OMA1: variants seen among roughly 807,000 people sequenced by gnomAD.
OMA1 encodes metalloendopeptidase OMA1, mitochondrial.
In OMA1, 38 loss-of-function variants were observed where a neutral mutation model predicts 30.9. That is an observed-to-expected ratio of 1.23 (90% CI 0.95 to 1.61). OMA1 has a LOEUF of 1.61. OMA1 is among the 40% of genes most tolerant of loss of function. The pLI, the probability that OMA1 is intolerant of heterozygous loss-of-function variation, is 0.00. For missense variants in OMA1, 461 were observed against 349.2 expected (o/e 1.32, Z -2.55); for synonymous variants, 173 against 121.9 (o/e 1.42, Z -2.76).
intron 2 of OMA1, among the ~76,000 whole-genome samples, chr1:58,537,998 C>T (rs566002810): frequency 6.6e-6 from 1 of 152,262 alleles, no homozygotes; most frequent in East Asian, 1.9e-4. Flanking sequence ...ATAGTCAATA[C>T]AGCTGTATCG....
At chr1:58,519,980 T>C (rs1364317772) in intron 7 of OMA1, among the ~76,000 whole-genome samples, 2 of 152,154 alleles carry the variant, frequency 1.3e-5, no homozygotes, top group Admixed American at 6.5e-5. Flanking sequence ...TTCTGATACA[T>C]GGACAGTCAG....
rs1391405729 is a variant in OMA1 at position 58,530,651 on chromosome 1, G to A, written c.1090C>T (p.Arg364Ter). 10 of 872,620 alleles carry A rather than the reference G, an allele frequency of 1.1e-5. No homozygotes were observed. The highest frequency in any genetic ancestry group is 2.4e-5 in the East Asian group (1 of 41,662). 54.1% of individuals were successfully genotyped at this position (872,620 alleles called of 1,614,324 possible). Residue 364 changes from arginine (R) to a stop codon, truncating the protein, a stop_gained, in exon 6 of 9, where the codon CGA becomes TGA. Coordinates refer to ENST00000371226, the MANE Select transcript of OMA1 (RefSeq NM_145243.5). LOFTEE classifies it high-confidence loss of function. The part of the protein sequence containing the change: ...FLTMIWAICP[R>*]DSLALLCQWI... ...TGGCACAAAAGTGCCAAGCTATCTCGAGGACAAATGGCCCAAATCATTGTG... is the reference window on the plus strand; with the variant it reads ...TGGCACAAAAGTGCCAAGCTATCTCAAGGACAAATGGCCCAAATCATTGTG...
At position 58,539,220 on chromosome 1, in the gene OMA1, C is replaced by G. The variant is rs894909535; in HGVS notation, c.75G>C (p.Trp25Cys). ...VFFRFNSLSN[W>C]RKCNTLASTS... Reference sequence around the variant, plus strand: ...TGGATGCTAATGTGTTACATTTTCTCCAGTTAGACAGTGAATTAAATCGGA... The same window carrying G: ...TGGATGCTAATGTGTTACATTTTCTGCAGTTAGACAGTGAATTAAATCGGA... The change falls in exon 2 of 9, where the codon TGG (tryptophan) becomes TGC (cysteine). Residue 25 changes from tryptophan (W) to cysteine (C), a missense_variant. Coordinates refer to ENST00000371226, the MANE Select transcript of OMA1 (RefSeq NM_145243.5). 11 of 872,438 alleles carry G rather than the reference C, an allele frequency of 1.3e-5. No individual in the cohort carries two copies. The Admixed American group carries it at 1.4e-4, about 11-fold the overall frequency. 54.0% of individuals were successfully genotyped at this position (872,438 alleles called of 1,614,324 possible). A position where few individuals can be genotyped will look rare whatever the true frequency, so the allele number is the denominator to read the frequency against.
At chr1:58,533,869 G>GA in intron 5 of OMA1, 84 bp downstream of exon 5, 4 of 782,024 alleles carry the variant, frequency 5.1e-6, no homozygotes, top group South Asian at 1.4e-5. Context: ...TAAAAAACCT[G>GA]AAAAAAATCA....
chr1:58,534,999 A>G (rs1216477338), intron 3 of OMA1, among the ~76,000 whole-genome samples: 2 of 152,192 alleles, frequency 1.3e-5, no homozygotes, highest in Non-Finnish European at 2.9e-5. Flanking sequence ...GTAAAATACA[A>G]AAGAAAATTA....
chr1:58,485,169 T>C (rs1453862679), intron 8 of OMA1, among the ~76,000 whole-genome samples: 1 of 132,202 alleles, frequency 7.6e-6, no homozygotes, highest in African/African-American at 2.9e-5. Context: ...GAAATCTCTA[T>C]ACCTTCTACT....
intron 1 of OMA1, among the ~76,000 whole-genome samples, chr1:58,541,293 CAAAAAAAAAAAAAAAA>C (rs71043292): frequency 6.3e-3 from 174 of 27,542 alleles, no homozygotes; most frequent in Admixed American, 0.011. Context: ...GACTCTGTCT[CAAAAAAAAAAAAAAAA>C]AAAAAAAAAA....
intron 8 of OMA1, among the ~76,000 whole-genome samples, chr1:58,485,730 T>G (rs2100359291): frequency 6.6e-6 from 1 of 152,304 alleles, no homozygotes; most frequent in East Asian, 1.9e-4. Flanking sequence ...AAAATTTTCC[T>G]ACCATATAGC....
chr1:58,498,218 A>G (rs1645837218), intron 8 of OMA1, among the ~76,000 whole-genome samples: 3 of 152,020 alleles, frequency 2.0e-5, no homozygotes, highest in African/African-American at 7.2e-5. Flanking sequence ...TTAAACATTT[A>G]TAATAATGGT....
At chr1:58,512,503 T>C (rs1423688238) in intron 7 of OMA1, among the ~76,000 whole-genome samples, 3 of 152,300 alleles carry the variant, frequency 2.0e-5, no homozygotes, top group East Asian at 1.9e-4. Context: ...AACCTGAATG[T>C]TCATCAGCGA....
At chr1:58,503,849 T>C (rs988784410) in intron 8 of OMA1, among the ~76,000 whole-genome samples, 3 of 152,162 alleles carry the variant, frequency 2.0e-5, no homozygotes, top group Non-Finnish European at 2.9e-5. Flanking sequence ...CTGAACAAAC[T>C]AAAATAGGTG....
intron 7 of OMA1, among the ~76,000 whole-genome samples, chr1:58,519,303 G>A (rs1557450776): frequency 6.6e-6 from 1 of 152,132 alleles, no homozygotes; most frequent in Non-Finnish European, 1.5e-5. Flanking sequence ...TTTTGATAGA[G>A]GCATGAAATG....
At chr1:58,501,283 T>C (rs1361586072) in intron 8 of OMA1, among the ~76,000 whole-genome samples, 2 of 152,340 alleles carry the variant, frequency 1.3e-5, no homozygotes, top group South Asian at 4.1e-4. Context: ...TGGGTTATCT[T>C]GACTTAAAGC....
chr1:58,506,337 G>T, intron 7 of OMA1, 128 bp from the exon 8 acceptor site: 1 of 579,894 alleles, frequency 1.7e-6, no homozygotes, highest in Non-Finnish European at 3.0e-6. Flanking sequence ...TGCACAACGT[G>T]CAGGTTTGTT....
intron 7 of OMA1, among the ~76,000 whole-genome samples, chr1:58,509,487 C>T (rs1005218611): frequency 6.9e-6 from 1 of 144,832 alleles, no homozygotes; most frequent in African/African-American, 2.5e-5. Flanking sequence ...TGATGGGATA[C>T]AGCAAAGGCA....
intron 7 of OMA1, among the ~76,000 whole-genome samples, chr1:58,526,882 G>A (rs923551925): frequency 2.6e-5 from 4 of 152,092 alleles, no homozygotes; most frequent in African/African-American, 9.6e-5. Context: ...GGCCAGAGGG[G>A]ATGACACATT....
intron 7 of OMA1, among the ~76,000 whole-genome samples, chr1:58,510,363 GAAT>G (rs780515522): frequency 1.1e-4 from 16 of 151,776 alleles, no homozygotes; most frequent in Non-Finnish European, 1.9e-4. Context: ...CACATTAACA[GAAT>G]AAAAAAACAC....
Position 58,539,326 on chromosome 1 carries a change from A to C in OMA1, c.-16-16T>G. 1 of 790,060 alleles carries C rather than the reference A, an allele frequency of 1.3e-6. No homozygotes were observed. The highest frequency in any genetic ancestry group is 2.1e-6 in the Non-Finnish European group (1 of 471,684). The allele number at this position is 790,060 out of a possible 1,614,324, so 48.9% of individuals were successfully genotyped here. ...ACTTGACTACCTGAAACAAAAAAAA[A>C]ACTATAAATATCTGTGGAAAATATT... is the stretch of plus-strand genomic sequence containing the variant. On this transcript the variant is annotated splice_polypyrimidine_tract_variant and intron_variant, in intron 1 of 8. Transcript: ENST00000371226.
chr1:58,525,494 T>G (rs1260644964), intron 7 of OMA1, among the ~76,000 whole-genome samples: 4 of 152,092 alleles, frequency 2.6e-5, no homozygotes, highest in Non-Finnish European at 5.9e-5. Context: ...ATCAAACACT[T>G]AGCAATAAAT....
Sources: allele counts gnomAD v4.1 joint callset (sites outside exome capture counted in the v4.1 genomes callset), GRCh38; gene constraint gnomAD v4.1.1; transcripts MANE v1.5; gene names NCBI Gene and HGNC (gene_info 2026-07-23, HGNC 2026-07-21).